The following OGG1 variants were observed in gnomAD, a reference collection of about 807,000 sequenced individuals.
OGG1 encodes N-glycosylase/DNA lyase.
OGG1 carries 35 observed loss-of-function variants against 42.3 expected under a neutral mutation model. The ratio of observed to expected loss-of-function variants is 0.83; its 90% CI spans 0.63 to 1.10. The LOEUF (loss-of-function observed/expected upper bound fraction) is 1.10, where lower values mean the gene tolerates loss of function less well. Ranked by LOEUF, OGG1 falls within the 50% of genes least tolerant of loss-of-function variation. The pLI, the probability that OGG1 is intolerant of heterozygous loss-of-function variation, is 0.00. For missense variants in OGG1, 484 were observed against 446.7 expected, an observed-to-expected ratio of 1.08 and a Z score of -0.75; for synonymous variants, 189 against 179.0, an observed-to-expected ratio of 1.06 and a Z score of -0.44.
intron 3 of OGG1, chr3:9,785,252 G>T: frequency 7.5e-7 from 1 of 1,330,232 alleles, no homozygotes. Context: ...TCCCCAGGTT[G>T]AGATGGAGAG....
downstream of OGG1, chr3:9,759,736 G>A (rs372591129): frequency 3.0e-5 from 48 of 1,613,924 alleles, 1 homozygote; most frequent in South Asian, 1.5e-4. Flanking sequence ...ATCAAGTGCC[G>A]GATGAAATCT....
chr3:9,786,941 AAAAT>A, intron 3 of OGG1: 1 of 1,432,838 alleles, frequency 7.0e-7, no homozygotes, highest in Non-Finnish European at 9.7e-7. Flanking sequence ...ATTCCGATAA[AAAAT>A]AAGCATAACA....
At chr3:9,759,831 G>T, downstream of OGG1, 2 of 1,610,486 alleles carry the variant, frequency 1.2e-6, no homozygotes, top group South Asian at 2.2e-5. Flanking sequence ...CACTCCCTCA[G>T]GTCTGGCCTG....
At chr3:9,784,216 G>A in intron 3 of OGG1, 1 of 1,600,568 alleles carries the variant, frequency 6.2e-7, no homozygotes, top group African/African-American at 1.3e-5. Context: ...GCGGCACACT[G>A]CAGCGGGAGG....
chr3:9,750,035 T>A lies in OGG1; in HGVS notation c.-252T>A, dbSNP rs2077221456. The A allele has an allele frequency of 3.6e-6, 2 of 551,278 alleles. No individual in the cohort carries two copies. Among genetic ancestry groups the A allele is most frequent in the Non-Finnish European group, 6.4e-6 (2 of 310,258 alleles). The allele number at this position is 551,278 out of a possible 1,614,324, so 34.1% of individuals were successfully genotyped here. On this transcript the variant is annotated 5_prime_UTR_variant, in exon 1 of 7. Coordinates refer to ENST00000344629, the MANE Select transcript of OGG1 (RefSeq NM_002542.6). ...GGCTCTGGGGGCGGGAGAAGATAAG[T>A]CGCAAGGAGGGGGCGGGACCTACAC...
intron 3 of OGG1, chr3:9,787,461 G>A: frequency 1.5e-6 from 2 of 1,370,658 alleles, no homozygotes; most frequent in South Asian, 2.9e-5. Context: ...CAAGCCCAGT[G>A]TCAGGTGTAG....
At chr3:9,782,355 GGGCCTTTATTT>G (rs1367044898) in intron 3 of OGG1, among the ~76,000 whole-genome samples, 1 of 152,172 alleles carries the variant, frequency 6.6e-6, no homozygotes, top group African/African-American at 2.4e-5. Context: ...TCGCTTCACT[GGGCCTTTATTT>G]CCTCATCTGG....
chr3:9,751,600 C>T (rs1347542324), intron 2 of OGG1, among the ~76,000 whole-genome samples, 170 bp from the exon 3 acceptor site: 2 of 152,170 alleles, frequency 1.3e-5, no homozygotes, highest in African/African-American at 4.8e-5. Flanking sequence ...TCAGCCCTCA[C>T]AAGATGCTAT....
downstream of OGG1, chr3:9,759,163 C>T: frequency 6.4e-7 from 1 of 1,559,228 alleles, no homozygotes; most frequent in South Asian, 1.1e-5. Context: ...CGCTATGCCT[C>T]ACTAATTCCT....
chr3:9,750,095 G>A lies in OGG1; in HGVS notation c.-192G>A. 1.4e-6 allele frequency: 1 copy of A among 705,694 alleles called. No homozygotes were observed. The highest frequency in any genetic ancestry group is 1.9e-5 in the South Asian group (1 of 51,552). 43.7% of individuals were successfully genotyped at this position (705,694 alleles called of 1,614,324 possible). A position where few individuals can be genotyped will look rare whatever the true frequency, so the allele number is the denominator to read the frequency against. ...GCCGGAGAATTGGGGCACGAAGCGG[G>A]GCTTTGATGACCCGCAAAGGGCGAG... On this transcript the variant is annotated 5_prime_UTR_variant, in exon 1 of 7. Transcript: ENST00000344629.
rs750447639 is a variant in OGG1, at chr3:9,756,577, C to T, written c.854C>T (p.Thr285Met). Residue 285 changes from threonine to methionine, a missense_variant, in exon 5 of 7, where the codon ACG becomes ATG. Transcript: ENST00000344629. ...AQRDYSWHPT[T>M]SQAKGPSPQT... The stretch of plus-strand genomic sequence containing the variant: ...CGTGACTACAGCTGGCACCCTACCA[C>T]GTCCCAGGCGAAGGGACCGAGCCCC... The T allele has an allele frequency of 2.2e-5, 35 of 1,614,176 alleles. No individual in the cohort carries two copies. The East Asian group carries it at 3.8e-4, about 17-fold the overall frequency.
At chr3:9,768,660 A>G (rs1313901442), downstream of OGG1, among the ~76,000 whole-genome samples, 1 of 152,186 alleles carries the variant, frequency 6.6e-6, no homozygotes, top group African/African-American at 2.4e-5. Flanking sequence ...TGAAGCCAGA[A>G]TGGGCCCCAT....
chr3:9,789,787 G>T, downstream of OGG1: 1 of 1,614,226 alleles, frequency 6.2e-7, no homozygotes, highest in South Asian at 1.1e-5. Flanking sequence ...CCTGGATCTT[G>T]GGCTGAAGGT....
In OGG1 at chr3:9,756,464, G is replaced by C; in HGVS notation, c.748-7G>C. 3 of 1,614,152 alleles carry C rather than the reference G, an allele frequency of 1.9e-6. No individual in the cohort carries two copies. Among genetic ancestry groups the C allele is most frequent in the Non-Finnish European group, 2.5e-6 (3 of 1,180,018 alleles). On this transcript the variant is annotated splice_polypyrimidine_tract_variant and splice_region_variant and intron_variant, in intron 4 of 6. Transcript: ENST00000344629. ...TTCCACAAGGGCTCATTCTGTGTCT[G>C]TCAAAGGTGGCTGACTGCATCTGCC... is the stretch of plus-strand genomic sequence containing the variant.
At chr3:9,767,672 C>T (rs201089722), downstream of OGG1, 2 of 1,614,174 alleles carry the variant, frequency 1.2e-6, no homozygotes, top group African/African-American at 2.7e-5. Flanking sequence ...CTCACGTGCC[C>T]AGAACATCTC....
downstream of OGG1, chr3:9,766,882 A>G (rs1332049445): frequency 6.3e-6 from 1 of 157,820 alleles, no homozygotes; most frequent in African/African-American, 2.4e-5. Flanking sequence ...ACCTGCCAAA[A>G]AGTCTTAAGT....
chr3:9,759,130 C>T (rs1336542239), downstream of OGG1: 11 of 1,408,694 alleles, frequency 7.8e-6, no homozygotes, highest in East Asian at 4.6e-5. Flanking sequence ...TTGCACTTCC[C>T]GGAATGGCTA....
intron 3 of OGG1, chr3:9,787,194 C>T: frequency 1.2e-6 from 2 of 1,614,196 alleles, no homozygotes; most frequent in Non-Finnish European, 1.7e-6. Context: ...AGGTGAGAGG[C>T]CTACCTTTAG....
At chr3:9,761,049 G>A (rs898566943), downstream of OGG1, 21 of 420,514 alleles carry the variant, frequency 5.0e-5, no homozygotes, top group African/African-American at 3.6e-4. Flanking sequence ...CTCACCACTC[G>A]GTCATCACCT....
Sources: allele counts gnomAD v4.1 joint callset (sites outside exome capture counted in the v4.1 genomes callset), GRCh38; gene constraint gnomAD v4.1.1; transcripts MANE v1.5; gene names NCBI Gene and HGNC (gene_info 2026-07-23, HGNC 2026-07-21).